Variants in KHDRBS2 observed in about 807,000 individuals in gnomAD.
KHDRBS2 encodes KH domain-containing, RNA-binding, signal transduction-associated protein 2.
In KHDRBS2, 26 loss-of-function variants were observed where a neutral mutation model predicts 44.3. The ratio of observed to expected loss-of-function variants is 0.59; its 90% CI spans 0.43 to 0.81. The LOEUF is 0.81. Among genes scored for constraint, KHDRBS2 ranks in the 40% least tolerant of loss-of-function variants. KHDRBS2 has a pLI of 0.00. For missense variants in KHDRBS2, 476 were observed against 433.1 expected (o/e 1.10, Z -0.88); for synonymous variants, 194 against 151.1 (o/e 1.28, Z -2.08).
At chr6:61,693,651 T>C (rs1176342452) in intron 8 of KHDRBS2, among the ~76,000 whole-genome samples, 1 of 152,202 alleles carries the variant, frequency 6.6e-6, no homozygotes, top group African/African-American at 2.4e-5. Flanking sequence ...TACTTTATTA[T>C]GAAGAATTTA....
chr6:62,231,993 T>C (rs1349612219), intron 1 of KHDRBS2, among the ~76,000 whole-genome samples: 1 of 152,204 alleles, frequency 6.6e-6, no homozygotes, highest in East Asian at 1.9e-4. Flanking sequence ...TGGTTTAATA[T>C]GTTTTGAAAT....
intron 4 of KHDRBS2, among the ~76,000 whole-genome samples, chr6:61,943,009 A>C (rs1812452275): frequency 6.8e-6 from 1 of 147,472 alleles, no homozygotes; most frequent in Non-Finnish European, 1.5e-5. Flanking sequence ...AAAGAAAGAG[A>C]GAGAGAGAGA....
At position 61,926,599 on chromosome 6, in the gene KHDRBS2, C is replaced by T. The variant is rs925504015; in HGVS notation, c.484-25228G>A. Among the ~76,000 whole-genome samples, 2 of 152,090 alleles carry T rather than the reference C, an allele frequency of 1.3e-5. 1 individual carries two copies. Reference sequence around the variant, plus strand: ...CCAAATCATAGCACTCAAGGGGCTGCAGCAAACTGGAATAGGTTGGGCCAG... The same window carrying T: ...CCAAATCATAGCACTCAAGGGGCTGTAGCAAACTGGAATAGGTTGGGCCAG... On this transcript the variant is annotated intron_variant, in intron 4 of 8. Transcript: ENST00000281156.
Position 62,016,729 on chromosome 6 carries a change from C to T in KHDRBS2, c.336+31149G>A, listed in dbSNP as rs531215217. ...GTACAGATGGGTAATGATCAATTAG[C>T]AATGTGTACAGACCTAACATCACTG... is the stretch of plus-strand genomic sequence containing the variant. On this transcript the variant is annotated intron_variant, in intron 3 of 8. Coordinates refer to ENST00000281156, the MANE Select transcript of KHDRBS2 (RefSeq NM_152688.4). Among the ~76,000 whole-genome samples, 4 of 151,626 alleles carry T rather than the reference C, an allele frequency of 2.6e-5. No individual in the cohort carries two copies. In the South Asian group the frequency reaches 8.3e-4, roughly 32 times the overall value.
At chr6:61,951,385 T>C (rs552927869) in intron 4 of KHDRBS2, among the ~76,000 whole-genome samples, 1 of 152,176 alleles carries the variant, frequency 6.6e-6, no homozygotes, top group East Asian at 1.9e-4. Context: ...TACTTATCAA[T>C]CTACCAATCA....
intron 4 of KHDRBS2, among the ~76,000 whole-genome samples, chr6:61,953,551 G>C (rs759520352): frequency 2.2e-4 from 34 of 151,970 alleles, no homozygotes; most frequent in Non-Finnish European, 4.4e-5. Context: ...TGACATAGCT[G>C]CTCCCTTCAG....
At chr6:61,909,345 A>G (rs536096232) in intron 4 of KHDRBS2, among the ~76,000 whole-genome samples, 2 of 152,312 alleles carry the variant, frequency 1.3e-5, no homozygotes, top group South Asian at 4.1e-4. Flanking sequence ...CTGGGATTAC[A>G]GGTATGAGCC....
chr6:61,912,292 T>G (rs1257629825), intron 4 of KHDRBS2, among the ~76,000 whole-genome samples: 3 of 152,112 alleles, frequency 2.0e-5, no homozygotes, highest in Non-Finnish European at 2.9e-5. Flanking sequence ...CCAAAAAAGA[T>G]AAATTAGAAT....
chr6:61,689,275 T>C (rs1767124292), intron 8 of KHDRBS2, among the ~76,000 whole-genome samples: 1 of 151,990 alleles, frequency 6.6e-6, no homozygotes, highest in African/African-American at 2.4e-5. Flanking sequence ...TTGTACCCTT[T>C]TGCTATGATA....
chr6:62,226,672 C>G (rs949948484), intron 1 of KHDRBS2, among the ~76,000 whole-genome samples: 2 of 152,068 alleles, frequency 1.3e-5, no homozygotes, highest in Non-Finnish European at 2.9e-5. Flanking sequence ...ACTTTTAAGT[C>G]TTTAATCCAT....
At chr6:61,558,619 T>C in the KHDRBS2 span, among the ~76,000 whole-genome samples, 2 of 152,148 alleles carry the variant, frequency 1.3e-5, no homozygotes, top group Non-Finnish European at 2.9e-5. Flanking sequence ...GTTGTGTTTC[T>C]ATTATTATTT....
At chr6:61,943,366 T>C (rs577161100) in intron 4 of KHDRBS2, among the ~76,000 whole-genome samples, 13 of 151,032 alleles carry the variant, frequency 8.6e-5, no homozygotes, top group South Asian at 2.1e-4. Context: ...AATGACACCA[T>C]TAAAAAAACC....
the KHDRBS2 span, among the ~76,000 whole-genome samples, chr6:61,673,410 G>C: frequency 2.0e-5 from 3 of 151,824 alleles, no homozygotes; most frequent in African/African-American, 7.2e-5. Flanking sequence ...CATAGTGTTG[G>C]AAGTTCTGGC....
intron 6 of KHDRBS2, among the ~76,000 whole-genome samples, chr6:61,883,600 A>T (rs1233231834): frequency 6.6e-6 from 1 of 152,072 alleles, no homozygotes; most frequent in African/African-American, 2.4e-5. Flanking sequence ...GCAGAGAAGA[A>T]TATACACAAT....
Position 61,834,775 on chromosome 6 carries a change from CTT to C in KHDRBS2, c.810+59858_810+59859del, listed in dbSNP as rs534865360. 1.6e-3 allele frequency among the ~76,000 whole-genome samples: 244 copies of C among 152,054 alleles called. 2 individuals carry two copies. Among genetic ancestry groups the C allele is most frequent in the Non-Finnish European group, 3.0e-3 (204 of 67,908 alleles). On this transcript the variant is annotated intron_variant, in intron 6 of 8. Coordinates refer to ENST00000281156, the MANE Select transcript of KHDRBS2 (RefSeq NM_152688.4). Reference sequence around the variant, plus strand: ...TCAATAAATCTTAATGCATAGGAGTCTTTTGTAAAATGGATAATTTAATAGAG... The same window carrying C: ...TCAATAAATCTTAATGCATAGGAGTCTTGTAAAATGGATAATTTAATAGAG...
chr6:61,930,196 A>G lies in KHDRBS2; in HGVS notation c.484-28825T>C, dbSNP rs143568520. Reference sequence around the variant, plus strand: ...CAGAGAGCTGACTCTACCAGACAACAAACCTGCAGGCACCTTGATATTAAA... The same window carrying G: ...CAGAGAGCTGACTCTACCAGACAACGAACCTGCAGGCACCTTGATATTAAA... On this transcript the variant is annotated intron_variant, in intron 4 of 8. Coordinates refer to ENST00000281156, the MANE Select transcript of KHDRBS2 (RefSeq NM_152688.4). 4.4e-3 allele frequency among the ~76,000 whole-genome samples: 672 copies of G among 152,288 alleles called. 8 individuals are homozygous for G. Among genetic ancestry groups the G allele is most frequent in the African/African-American group, 0.015 (631 of 41,546 alleles).
At chr6:61,947,467 G>T (rs1813601983) in intron 4 of KHDRBS2, among the ~76,000 whole-genome samples, 2 of 152,128 alleles carry the variant, frequency 1.3e-5, no homozygotes, top group South Asian at 4.1e-4. Context: ...GTAGTATGAA[G>T]TAGAGATATT....
At chr6:61,724,391 A>G (rs1290170013) in intron 7 of KHDRBS2, among the ~76,000 whole-genome samples, 2 of 152,154 alleles carry the variant, frequency 1.3e-5, no homozygotes, top group African/African-American at 4.8e-5. Flanking sequence ...TGATACTATG[A>G]AGCAACCATG....
chr6:62,120,951 T>A (rs1412989544), intron 2 of KHDRBS2, among the ~76,000 whole-genome samples: 1 of 152,172 alleles, frequency 6.6e-6, no homozygotes, highest in Non-Finnish European at 1.5e-5. Context: ...ATGTTCAGAC[T>A]TTTTGGGGAT....
Sources: gnomAD v4.1 joint callset for allele counts (sites outside exome capture counted in the v4.1 genomes callset) on GRCh38, gnomAD v4.1.1 for gene constraint, MANE v1.5 for transcripts, NCBI Gene and HGNC (gene_info 2026-07-23, HGNC 2026-07-21) for gene names.